The following MTUS1 variants were observed in gnomAD, a reference collection of about 807,000 sequenced individuals.
The protein encoded by MTUS1 is microtubule associated scaffold protein 1, also known as microtubule-associated tumor suppressor 1.
Under a neutral mutation model 120.8 loss-of-function variants are expected in MTUS1, and 109 were observed. The observed-to-expected ratio is 0.90, with a 90% CI of 0.77 to 1.06. MTUS1 has a LOEUF of 1.06. Ranked by LOEUF, MTUS1 falls within the 50% of genes least tolerant of loss-of-function variation. The pLI, the probability that MTUS1 is intolerant of heterozygous loss-of-function variation, is 0.00. For synonymous variants in MTUS1, 737 were observed against 550.5 expected (o/e 1.34, Z -4.74); for missense variants, 2,210 against 1,486.3 (o/e 1.49, Z -8.01).
chr8:17,742,269 GTTTTTTTTTTTTGTTGTTGTTGTTTT>G lies in MTUS1; in HGVS notation c.2287+1309_2287+1334del, dbSNP rs1312943612. Among the ~76,000 whole-genome samples, 12 of 94,910 alleles carry G rather than the reference GTTTTTTTTTTTTGTTGTTGTTGTTTT, an allele frequency of 1.3e-4. No homozygotes were observed. The East Asian group carries it at 1.9e-3, about 15-fold the overall frequency. The allele number at this position is 94,910 out of a possible 152,430, so 62.3% of individuals were successfully genotyped here. On this transcript the variant is annotated intron_variant, in intron 3 of 14. Transcript: ENST00000693296. The stretch of plus-strand genomic sequence containing the variant: ...CACCATCATGCTCTCATGCCCAGCT[GTTTTTTTTTTTTGTTGTTGTTGTTTT>G]TTTTTTTTTTTTTTTTAGAGATAGT...
chr8:17,661,326 G>A (rs181087249), intron 8 of MTUS1, among the ~76,000 whole-genome samples: 153 of 152,068 alleles, frequency 1.0e-3, no homozygotes, highest in South Asian at 2.1e-3. Context: ...TAAAATTTCC[G>A]GTATTTCCAA....
chr8:17,780,553 G>A (rs2050796562), intron 1 of MTUS1, among the ~76,000 whole-genome samples: 1 of 152,034 alleles, frequency 6.6e-6, no homozygotes, highest in African/African-American at 2.4e-5. Flanking sequence ...CTAGGAGTCA[G>A]CAATAATCTG....
intron 1 of MTUS1, among the ~76,000 whole-genome samples, chr8:17,777,720 G>C (rs2050565684): frequency 6.6e-6 from 1 of 152,100 alleles, no homozygotes. Context: ...TCCAGTTTTT[G>C]TCCCTATTTG....
At chr8:17,772,369 G>C (rs750701130) in intron 1 of MTUS1, among the ~76,000 whole-genome samples, 25 of 152,118 alleles carry the variant, frequency 1.6e-4, no homozygotes, top group Non-Finnish European at 2.5e-4. Context: ...TATTTCACTC[G>C]CATTATCCAA....
chr8:17,752,477 A>T (rs548166727), intron 2 of MTUS1, among the ~76,000 whole-genome samples: 1 of 152,254 alleles, frequency 6.6e-6, no homozygotes, highest in Non-Finnish European at 1.5e-5. Flanking sequence ...GGATGAACTC[A>T]TTAGTTTAGA....
At chr8:17,776,216 G>A (rs531454560) in intron 1 of MTUS1, among the ~76,000 whole-genome samples, 22 of 151,882 alleles carry the variant, frequency 1.4e-4, no homozygotes, top group Non-Finnish European at 2.1e-4. Context: ...CTTACATTAG[G>A]TATTAAAAGT....
At chr8:17,681,080 C>G (rs1482199396) in intron 7 of MTUS1, among the ~76,000 whole-genome samples, 1 of 152,110 alleles carries the variant, frequency 6.6e-6, no homozygotes, top group Non-Finnish European at 1.5e-5. Context: ...ACTACAGGCA[C>G]ATGCCACCAC....
At chr8:17,739,286 G>C (rs1031940433) in intron 3 of MTUS1, among the ~76,000 whole-genome samples, 3 of 151,930 alleles carry the variant, frequency 2.0e-5, no homozygotes, top group Non-Finnish European at 2.9e-5. Context: ...CTGAGGTCGG[G>C]AGTTGGAGAC....
chr8:17,653,384 T>TG (rs1365574552), intron 11 of MTUS1, 41 bp downstream of exon 11: 1 of 1,543,998 alleles, frequency 6.5e-7, no homozygotes, highest in East Asian at 2.3e-5. Flanking sequence ...AAAATGATAT[T>TG]TTTTTTTGTG....
chr8:17,751,388 G>A (rs755267440), intron 2 of MTUS1, among the ~76,000 whole-genome samples: 2 of 152,120 alleles, frequency 1.3e-5, no homozygotes, highest in African/African-American at 2.4e-5. Flanking sequence ...GTGACCAACC[G>A]ACATTCATGT....
intron 6 of MTUS1, among the ~76,000 whole-genome samples, chr8:17,701,120 T>A (rs1392801359): frequency 6.6e-6 from 1 of 152,214 alleles, no homozygotes; most frequent in African/African-American, 2.4e-5. Flanking sequence ...GTGACTTGTG[T>A]GGAGATTCAA....
chr8:17,769,682 AC>A lies in MTUS1; in HGVS notation c.-154-13722del, dbSNP rs761946307. On this transcript the variant is annotated intron_variant, in intron 1 of 14. Transcript: ENST00000693296. Reference sequence around the variant, plus strand: ...TAATCTTAATAAGGAAAATGGTTTAACATTTTCAGGGCATCCTATATTCTTT... The same window carrying A: ...TAATCTTAATAAGGAAAATGGTTTAAATTTTCAGGGCATCCTATATTCTTT... Among the ~76,000 whole-genome samples, 40 of 152,110 alleles carry A rather than the reference AC, an allele frequency of 2.6e-4. 1 individual carries two copies. Among genetic ancestry groups the A allele is most frequent in the Non-Finnish European group, 7.4e-5 (5 of 68,026 alleles).
intron 6 of MTUS1, among the ~76,000 whole-genome samples, chr8:17,710,436 A>G (rs1228167723): frequency 1.3e-5 from 2 of 152,204 alleles, no homozygotes; most frequent in Non-Finnish European, 2.9e-5. Flanking sequence ...TTGCTTATTC[A>G]TAAGAAGCAA....
At chr8:17,778,243 A>G in intron 1 of MTUS1, among the ~76,000 whole-genome samples, 1 of 152,166 alleles carries the variant, frequency 6.6e-6, no homozygotes, top group East Asian at 1.9e-4. Context: ...TATCTCAAAC[A>G]CATACGCTAA....
chr8:17,736,255 T>TGAG (rs1389775422), intron 3 of MTUS1, among the ~76,000 whole-genome samples: 2 of 152,216 alleles, frequency 1.3e-5, no homozygotes, highest in African/African-American at 2.4e-5. Context: ...ATGATGTCCG[T>TGAG]GAGGATGAAA....
intron 1 of MTUS1, among the ~76,000 whole-genome samples, chr8:17,782,869 G>A (rs955665245): frequency 1.3e-5 from 2 of 152,184 alleles, no homozygotes; most frequent in Non-Finnish European, 1.5e-5. Context: ...CCTGAAGTCA[G>A]GAGTTCGGGA....
chr8:17,684,695 G>A (rs545957703), intron 6 of MTUS1, among the ~76,000 whole-genome samples, 153 bp from the exon 7 acceptor site: 2 of 152,284 alleles, frequency 1.3e-5, no homozygotes, highest in African/African-American at 2.4e-5. Context: ...GGAATGAATC[G>A]GAGATCTAGA....
chr8:17,766,507 A>G (rs116458406), intron 1 of MTUS1, among the ~76,000 whole-genome samples: 1 of 152,134 alleles, frequency 6.6e-6, no homozygotes, highest in Non-Finnish European at 1.5e-5. Context: ...TTTCTTTTAG[A>G]CATTTGCAGA....
chr8:17,670,666 T>A (rs1178513829), intron 8 of MTUS1, among the ~76,000 whole-genome samples: 3 of 151,896 alleles, frequency 2.0e-5, no homozygotes, highest in African/African-American at 7.3e-5. Context: ...CTACTAAAAA[T>A]ACAAAAATTA....
Sources: allele counts gnomAD v4.1 joint callset (sites outside exome capture counted in the v4.1 genomes callset), GRCh38; gene constraint gnomAD v4.1.1; transcripts MANE v1.5; gene names NCBI Gene and HGNC (gene_info 2026-07-23, HGNC 2026-07-21).